Variants in ERGIC3 observed in about 807,000 individuals in gnomAD.
The protein encoded by ERGIC3 is endoplasmic reticulum-Golgi intermediate compartment protein 3.
ERGIC3 carries 33 observed loss-of-function variants against 54.7 expected under a neutral mutation model. The observed-to-expected ratio is 0.60, with a 90% CI of 0.46 to 0.81. The LOEUF (loss-of-function observed/expected upper bound fraction) is 0.81. ERGIC3 is among the 30% of genes least tolerant of loss of function. ERGIC3 has a pLI of 0.00. For missense variants in ERGIC3, 399 were observed against 488.4 expected (o/e 0.82, Z 1.73); for synonymous variants, 186 against 189.8 (o/e 0.98, Z 0.16).
chr20:35,556,296 A>G (rs2064711350), intron 10 of ERGIC3, 25 bp downstream of exon 10: 1 of 1,613,260 alleles, frequency 6.2e-7, no homozygotes, highest in Non-Finnish European at 8.5e-7. Context: ...TCCCTACCAG[A>G]GTCTCCTGCG....
intron 8 of ERGIC3, among the ~76,000 whole-genome samples, chr20:35,555,371 G>A (rs1304599176): frequency 6.6e-6 from 1 of 152,180 alleles, no homozygotes; most frequent in East Asian, 1.9e-4. Context: ...GGATGGGTGA[G>A]GCTGGAGAAG....
intron 7 of ERGIC3, among the ~76,000 whole-genome samples, chr20:35,550,688 C>T (rs985689568): frequency 2.6e-5 from 4 of 152,072 alleles, no homozygotes; most frequent in Non-Finnish European, 4.4e-5. Flanking sequence ...TGTAGGGACT[C>T]GGGCCGTTAC....
At chr20:35,551,574 G>T (rs1025867648) in intron 7 of ERGIC3, among the ~76,000 whole-genome samples, 6 of 152,204 alleles carry the variant, frequency 3.9e-5, no homozygotes, top group African/African-American at 1.4e-4. Context: ...GGAGGTGAGG[G>T]CAGATGGAGA....
rs2064621387 is a variant in ERGIC3, at chr20:35,542,588, A to T, written c.235A>T (p.Met79Leu). Reference sequence around the variant, plus strand: ...CAACATCGATGTACTTTTTCCGCACATGCCTTGTGCCTGTGAGTACCTCAC... The same window carrying T: ...CAACATCGATGTACTTTTTCCGCACTTGCCTTGTGCCTGTGAGTACCTCAC... ...KINIDVLFPH[M>L]PCAYLSIDAM... is the part of the protein sequence containing the mutation. Residue 79 changes from methionine to leucine, a missense_variant, in exon 3 of 13, where the codon ATG becomes TTG. Met to Leu is a conservative substitution (Grantham distance 15, BLOSUM62 2). Coordinates refer to ENST00000348547, the MANE Select transcript of ERGIC3 (RefSeq NM_015966.3). The T allele has an allele frequency of 9.9e-6, 16 of 1,614,018 alleles. No homozygotes were observed. Among genetic ancestry groups the T allele is most frequent in the Non-Finnish European group, 1.4e-5 (16 of 1,180,016 alleles).
At position 35,557,557 on chromosome 20, in the gene ERGIC3, C is replaced by T; in HGVS notation, c.*53C>T. The T allele has an allele frequency of 6.5e-7, 1 of 1,533,372 alleles. No individual in the cohort carries two copies. Among genetic ancestry groups the T allele is most frequent in the Non-Finnish European group, 9.0e-7 (1 of 1,108,362 alleles). The allele number at this position is 1,533,372 out of a possible 1,614,324, so 95.0% of individuals were successfully genotyped here. On this transcript the variant is annotated 3_prime_UTR_variant, in exon 13 of 13. Transcript: ENST00000348547. Reference sequence around the variant, plus strand: ...CTTTCTCCCTGGCCTGTGGTTGTCCCCCAGCCTCTGCCACCCTCCACCTCC... The same window carrying T: ...CTTTCTCCCTGGCCTGTGGTTGTCCTCCAGCCTCTGCCACCCTCCACCTCC...
chr20:35,546,464 C>G (rs1289582905), intron 4 of ERGIC3, among the ~76,000 whole-genome samples: 1 of 152,060 alleles, frequency 6.6e-6, no homozygotes, highest in African/African-American at 2.4e-5. Flanking sequence ...AGGAGAAGGT[C>G]TAAGTCACCT....
chr20:35,555,111 G>C, intron 8 of ERGIC3, 36 bp downstream of exon 8: 2 of 1,607,254 alleles, frequency 1.2e-6, no homozygotes, highest in Non-Finnish European at 1.7e-6. Flanking sequence ...GGGCAGGTGG[G>C]GGTGGGAGGC....
rs1279228132 is a variant in ERGIC3, at chr20:35,556,956, C to T, written c.880-17C>T. On this transcript the variant is annotated splice_polypyrimidine_tract_variant and intron_variant, in intron 10 of 12. Transcript: ENST00000348547. ...GTCCTAGCCCTAGCCCTGGCCCAGG[C>T]TCCCCTCCCACCCCAGGTACTGAGG... The T allele has an allele frequency of 6.2e-7, 1 of 1,613,926 alleles. No homozygotes were observed. The highest frequency in any genetic ancestry group is 8.5e-7 in the Non-Finnish European group (1 of 1,179,906).
At chr20:35,555,387 A>G (rs1312039109) in intron 8 of ERGIC3, among the ~76,000 whole-genome samples, 1 of 152,206 alleles carries the variant, frequency 6.6e-6, no homozygotes, top group Non-Finnish European at 1.5e-5. Context: ...AGAAGTCGGC[A>G]GGGACCAGAC....
intron 7 of ERGIC3, among the ~76,000 whole-genome samples, chr20:35,551,075 T>C (rs2064679295): frequency 6.6e-6 from 1 of 152,070 alleles, no homozygotes; most frequent in Admixed American, 6.6e-5. Flanking sequence ...GTGGATTGCC[T>C]GAGCTGAGGA....
chr20:35,554,953 A>G (rs750106446), intron 7 of ERGIC3, 91 bp from the exon 8 acceptor site: 1 of 1,437,270 alleles, frequency 7.0e-7, no homozygotes, highest in Non-Finnish European at 9.8e-7. Context: ...CAGAGAAGAC[A>G]GGTGGTTTGC....
Position 35,557,597 on chromosome 20 carries a change from C to A in ERGIC3, c.*93C>A. 9.6e-7 allele frequency: 1 copy of A among 1,045,334 alleles called. No homozygotes were observed. The highest frequency in any genetic ancestry group is 1.5e-6 in the Non-Finnish European group (1 of 678,372). The allele number at this position is 1,045,334 out of a possible 1,614,324, so 64.8% of individuals were successfully genotyped here. ...CCTCCACCTCCTCGGTCAGCCCCAG[C>A]CCCAGGTTGATAAATCTATTGATTG... is the stretch of plus-strand genomic sequence containing the variant. On this transcript the variant is annotated 3_prime_UTR_variant, in exon 13 of 13. Transcript: ENST00000348547.
intron 7 of ERGIC3, among the ~76,000 whole-genome samples, chr20:35,550,491 C>A (rs916597218): frequency 1.3e-5 from 2 of 152,160 alleles, no homozygotes; most frequent in Admixed American, 1.3e-4. Flanking sequence ...TGGCACACGC[C>A]TGTAATCCCA....
rs201142338 is a variant in ERGIC3, at chr20:35,542,089, C to T, written c.-9C>T. The T allele has an allele frequency of 9.8e-4, 1,494 of 1,525,480 alleles. 29 individuals are homozygous for T. In the Admixed American group the frequency reaches 0.029, roughly 30 times the overall value. The allele number at this position is 1,525,480 out of a possible 1,614,324, so 94.5% of individuals were successfully genotyped here. ...GGGCCGGCTGGCGTCCCCTTTCCGG[C>T]CGGTCCCCATGGAGGCGCTGGGGAA... On this transcript the variant is annotated 5_prime_UTR_variant, in exon 1 of 13. Transcript: ENST00000348547.
In ERGIC3 at chr20:35,557,128, CGGCCTCTGGG is replaced by C. The variant is rs2064718371; in HGVS notation, c.1016+25_1016+34del. ...AGCACAGGTGAGGATGGGGGCAAAG[CGGCCTCTGGG>C]GGCCTGGGCCTGAGGGAGGAGGATG... is the stretch of plus-strand genomic sequence containing the variant. On this transcript the variant is annotated intron_variant, in intron 11 of 12. Coordinates refer to ENST00000348547, the MANE Select transcript of ERGIC3 (RefSeq NM_015966.3). 1 of 1,614,164 alleles carries C rather than the reference CGGCCTCTGGG, an allele frequency of 6.2e-7. No homozygotes were observed. The highest frequency in any genetic ancestry group is 8.5e-7 in the Non-Finnish European group (1 of 1,179,990).
intron 10 of ERGIC3, 60 bp downstream of exon 10, chr20:35,556,331 C>T (rs2064711837): frequency 1.3e-6 from 2 of 1,569,238 alleles, no homozygotes; most frequent in Admixed American, 1.7e-5. Context: ...GGAGTTCCTG[C>T]ATTTCGTTCC....
chr20:35,545,976 T>C (rs2064646712), intron 4 of ERGIC3, among the ~76,000 whole-genome samples: 1 of 152,094 alleles, frequency 6.6e-6, no homozygotes, highest in South Asian at 2.1e-4. Flanking sequence ...ACCCTGGGTA[T>C]CTCCAATATT....
chr20:35,556,682 C>T (rs1190215111), intron 10 of ERGIC3: 11 of 524,100 alleles, frequency 2.1e-5, no homozygotes, highest in East Asian at 3.4e-5. Context: ...AGCCTTGGTG[C>T]GTCTTTGGAG....
chr20:35,552,689 G>A (rs1384190419), intron 7 of ERGIC3, among the ~76,000 whole-genome samples: 2 of 152,190 alleles, frequency 1.3e-5, no homozygotes, highest in Admixed American at 6.6e-5. Context: ...AGCTGGTGGA[G>A]CATGAGTTGC....
Sources: gnomAD v4.1 joint callset for allele counts (sites outside exome capture counted in the v4.1 genomes callset) on GRCh38, gnomAD v4.1.1 for gene constraint, MANE v1.5 for transcripts, NCBI Gene and HGNC (gene_info 2026-07-23, HGNC 2026-07-21) for gene names.